The following BCL11A variants were observed in gnomAD, a reference collection of about 807,000 sequenced individuals.
The protein encoded by BCL11A is B cell CLL/lymphoma 11A.
BCL11A carries 2 observed loss-of-function variants against 55.9 expected under a neutral mutation model. That is an observed-to-expected ratio of 0.04 (90% CI 0.01 to 0.11). BCL11A has a LOEUF of 0.11. Ranked by LOEUF, BCL11A falls within the 10% of genes least tolerant of loss-of-function variation. The probability of loss-of-function intolerance (pLI) is 1.00; values close to 1 mark genes in which losing one functional copy is unlikely to be tolerated. For missense variants in BCL11A, 817 were observed against 1,137.1 expected, an observed-to-expected ratio of 0.72 and a Z score of 4.05; for synonymous variants, 465 against 473.4, an observed-to-expected ratio of 0.98 and a Z score of 0.23.
chr2:60,462,774 GC>G (rs1401135163), intron 3 of BCL11A, among the ~76,000 whole-genome samples: 4 of 152,218 alleles, frequency 2.6e-5, no homozygotes, highest in African/African-American at 7.2e-5. Context: ...TTTGGGGCAA[GC>G]CATCTCATCT....
At chr2:60,548,481 C>CT (rs1670252306) in intron 1 of BCL11A, among the ~76,000 whole-genome samples, 1 of 152,146 alleles carries the variant, frequency 6.6e-6, no homozygotes, top group Admixed American at 6.5e-5. Context: ...AATGTAGTGA[C>CT]TGAACTGATT....
Position 60,461,267 on chromosome 2 carries a change from C to A in BCL11A, c.1645G>T (p.Gly549Cys). The A allele has an allele frequency of 6.2e-7, 1 of 1,607,554 alleles. No individual in the cohort carries two copies. Among genetic ancestry groups the A allele is most frequent in the Non-Finnish European group, 8.5e-7 (1 of 1,179,624 alleles). ...ESRALPDVMQ[G>C]MVLSSMQHFS... ...TGCTGCATGGAGCTGAGCACCATGC[C>A]CTGCATGACGTCGGGCAGGGCGCGG... The change falls in exon 4 of 4, where the codon GGC (glycine) becomes TGC (cysteine). Residue 549 changes from glycine to cysteine, a missense_variant. Coordinates refer to ENST00000642384, the MANE Select transcript of BCL11A (RefSeq NM_022893.4).
chr2:60,486,921 A>T (rs1412159778), intron 2 of BCL11A, among the ~76,000 whole-genome samples: 1 of 152,222 alleles, frequency 6.6e-6, no homozygotes, highest in Non-Finnish European at 1.5e-5. Context: ...TGCTAACAGA[A>T]ATGGAATCAG....
chr2:60,459,963 C>T lies in BCL11A; in HGVS notation c.*441G>A, dbSNP rs562096198. The T allele has an allele frequency of 2.2e-5, 23 of 1,064,030 alleles. No individual in the cohort carries two copies. Among genetic ancestry groups the T allele is most frequent in the South Asian group, 1.4e-4 (3 of 22,048 alleles). The allele number at this position is 1,064,030 out of a possible 1,614,324, so 65.9% of individuals were successfully genotyped here. On this transcript the variant is annotated 3_prime_UTR_variant, in exon 4 of 4. Coordinates refer to ENST00000642384, the MANE Select transcript of BCL11A (RefSeq NM_022893.4). ...CTCTCTCTCTCTTTTTCTCTCAGAACGGAACTGGAAACAGCAACATGTTTG... is the reference window on the plus strand; with the variant it reads ...CTCTCTCTCTCTTTTTCTCTCAGAATGGAACTGGAAACAGCAACATGTTTG...
chr2:60,510,114 G>T (rs545293193), intron 2 of BCL11A, among the ~76,000 whole-genome samples: 9 of 152,112 alleles, frequency 5.9e-5, no homozygotes, highest in Non-Finnish European at 1.5e-5. Flanking sequence ...TTTGCCTTCT[G>T]ACTGCTTCTG....
At position 60,461,459 on chromosome 2, in the gene BCL11A, C is replaced by T; in HGVS notation, c.1453G>A (p.Glu485Lys). The T allele has an allele frequency of 2.5e-6, 4 of 1,604,188 alleles. No homozygotes were observed. The highest frequency in any genetic ancestry group is 3.4e-6 in the Non-Finnish European group (4 of 1,179,454). ...DPNLIPENGD[E>K]EEEEDDEEEE... ...TCCTCGTCGTCCTCCTCTTCCTCCT[C>T]GTCCCCGTTCTCCGGGATCAGGTTG... Residue 485 changes from glutamate (E) to lysine (K), a missense_variant, in exon 4 of 4, where the codon GAG (glutamate) becomes AAG (lysine). Coordinates refer to ENST00000642384, the MANE Select transcript of BCL11A (RefSeq NM_022893.4).
downstream of BCL11A, among the ~76,000 whole-genome samples, chr2:60,454,343 C>T (rs543071693): frequency 6.6e-5 from 10 of 152,272 alleles, no homozygotes; most frequent in Non-Finnish European, 1.5e-4. Context: ...CTAGATGGCT[C>T]ATGCCTTTTA....
chr2:60,484,963 TAA>T (rs542222101), intron 2 of BCL11A, among the ~76,000 whole-genome samples: 1,824 of 109,986 alleles, frequency 0.017, 26 homozygotes, highest in African/African-American at 0.055. Context: ...GTTTAGGACT[TAA>T]AAAAAAAAAA....
rs922218890 is a variant in BCL11A, at chr2:60,459,160, A to G, written c.*1244T>C. On this transcript the variant is annotated 3_prime_UTR_variant, in exon 4 of 4. Coordinates refer to ENST00000642384, the MANE Select transcript of BCL11A (RefSeq NM_022893.4). ...TTATTTTCTTCTGTTCCCCTCTGTC[A>G]AACCTTATTGTCAGCCTCTTCCTTT... The G allele has an allele frequency of 2.0e-5, 21 of 1,024,524 alleles. No homozygotes were observed. In the African/African-American group the frequency reaches 2.9e-4, roughly 14 times the overall value. 63.5% of individuals were successfully genotyped at this position (1,024,524 alleles called of 1,614,324 possible).
At chr2:60,471,782 C>T (rs1677213243) in intron 2 of BCL11A, among the ~76,000 whole-genome samples, 1 of 152,114 alleles carries the variant, frequency 6.6e-6, no homozygotes, top group East Asian at 1.9e-4. Context: ...ATTCTCACAG[C>T]GCAGACCCAG....
chr2:60,462,883 CT>C (rs1326201678), intron 3 of BCL11A, among the ~76,000 whole-genome samples: 1 of 152,206 alleles, frequency 6.6e-6, no homozygotes, highest in South Asian at 2.1e-4. Flanking sequence ...CTATTCCCCC[CT>C]GGGTGACAGG....
chr2:60,526,451 C>G (rs1327216694), intron 2 of BCL11A: 1 of 152,176 alleles, frequency 6.6e-6, no homozygotes, highest in Non-Finnish European at 1.5e-5. Flanking sequence ...TGCATCTCCC[C>G]CCACCCCCTC....
At chr2:60,462,530 C>T in intron 3 of BCL11A, 106 bp from the exon 4 acceptor site, 1 of 1,483,188 alleles carries the variant, frequency 6.7e-7, no homozygotes, top group Non-Finnish European at 8.9e-7. Flanking sequence ...CACCCCTCAA[C>T]CCCAAGGCCT....
chr2:60,532,861 C>T (rs961584036), intron 2 of BCL11A: 6 of 152,240 alleles, frequency 3.9e-5, no homozygotes, highest in Admixed American at 3.3e-4. Flanking sequence ...TGCAAAGCCA[C>T]ATGATTTTGA....
chr2:60,488,595 A>C (rs1324090850), intron 2 of BCL11A, among the ~76,000 whole-genome samples: 1 of 152,244 alleles, frequency 6.6e-6, no homozygotes, highest in Admixed American at 6.5e-5. Flanking sequence ...CCCCAATGAA[A>C]GAAAATACTT....
chr2:60,457,280 G>C lies in BCL11A; in HGVS notation c.*3124C>G. ...TGCAGACAACTGCCAAAAAAACACA[G>C]ACAGTGGTTTTTCCAATAGAACTTA... On this transcript the variant is annotated 3_prime_UTR_variant, in exon 4 of 4. Coordinates refer to ENST00000642384, the MANE Select transcript of BCL11A (RefSeq NM_022893.4). 1 of 1,016,378 alleles carries C rather than the reference G, an allele frequency of 9.8e-7. No homozygotes were observed. The highest frequency in any genetic ancestry group is 1.2e-6 in the Non-Finnish European group (1 of 848,002). The allele number at this position is 1,016,378 out of a possible 1,614,324, so 63.0% of individuals were successfully genotyped here.
intron 2 of BCL11A, chr2:60,544,015 A>G (rs764662997): frequency 6.6e-6 from 1 of 152,240 alleles, no homozygotes; most frequent in Non-Finnish European, 1.5e-5. Context: ...TCACAACTAT[A>G]GCAGTAAAAG....
At chr2:60,542,409 T>C (rs1331407812) in intron 2 of BCL11A, 1 of 152,114 alleles carries the variant, frequency 6.6e-6, no homozygotes, top group Admixed American at 6.5e-5. Flanking sequence ...TCATAAAATA[T>C]GAGACTAAAA....
At chr2:60,537,948 T>G (rs1426595167) in intron 2 of BCL11A, 2 of 152,252 alleles carry the variant, frequency 1.3e-5, no homozygotes, top group African/African-American at 4.8e-5. Flanking sequence ...TAGGTGCAAT[T>G]GTTCATTGGC....
Sources: allele counts gnomAD v4.1 joint callset (sites outside exome capture counted in the v4.1 genomes callset), GRCh38; gene constraint gnomAD v4.1.1; transcripts MANE v1.5; gene names NCBI Gene and HGNC (gene_info 2026-07-23, HGNC 2026-07-21).